The following SNUPN variants were observed in gnomAD, a reference collection of about 807,000 sequenced individuals.
The protein encoded by SNUPN is snurportin-1.
Under a neutral mutation model 39.2 loss-of-function variants are expected in SNUPN, and 31 were observed. The observed-to-expected ratio is 0.79, with a 90% CI of 0.59 to 1.07. The LOEUF (loss-of-function observed/expected upper bound fraction) is 1.07, where lower values mean the gene tolerates loss of function less well. Ranked by LOEUF, SNUPN falls within the 50% of genes least tolerant of loss-of-function variation. The probability of loss-of-function intolerance (pLI) is 0.00; values close to 1 mark genes in which losing one functional copy is unlikely to be tolerated. For synonymous variants in SNUPN, 132 were observed against 159.0 expected, an observed-to-expected ratio of 0.83 and a Z score of 1.28; for missense variants, 382 against 434.2, an observed-to-expected ratio of 0.88 and a Z score of 1.07.
At chr15:75,608,635 T>C (rs929133868) in intron 5 of SNUPN, among the ~76,000 whole-genome samples, 3 of 152,182 alleles carry the variant, frequency 2.0e-5, no homozygotes, top group Admixed American at 2.0e-4. Flanking sequence ...GGCTGTACCA[T>C]TATGCTTAGT....
intron 7 of SNUPN, 134 bp downstream of exon 7, chr15:75,605,016 A>G: frequency 1.6e-6 from 1 of 627,002 alleles, no homozygotes; most frequent in Non-Finnish European, 2.9e-6. Context: ...TCAGATCTAC[A>G]TGATTGATAC....
chr15:75,617,152 A>G (rs1892959475), intron 3 of SNUPN, among the ~76,000 whole-genome samples: 1 of 152,242 alleles, frequency 6.6e-6, no homozygotes, highest in Non-Finnish European at 1.5e-5. Flanking sequence ...AGCCTTTGGT[A>G]ACAGCACAGG....
At chr15:75,618,340 G>T (rs898674027) in intron 2 of SNUPN, among the ~76,000 whole-genome samples, 1 of 151,330 alleles carries the variant, frequency 6.6e-6, no homozygotes, top group Non-Finnish European at 1.5e-5. Flanking sequence ...TTTTTTTTAC[G>T]GACCGTAGGT....
intron 3 of SNUPN, among the ~76,000 whole-genome samples, chr15:75,613,472 G>C (rs375400424): frequency 6.7e-6 from 1 of 150,186 alleles, no homozygotes; most frequent in African/African-American, 2.4e-5. Context: ...CTGAAACCCC[G>C]TCTCTACTAA....
At chr15:75,615,347 C>T (rs1892895352) in intron 3 of SNUPN, among the ~76,000 whole-genome samples, 1 of 151,964 alleles carries the variant, frequency 6.6e-6, no homozygotes, top group African/African-American at 2.4e-5. Context: ...TTCTGCCATA[C>T]TCCTTCTCCC....
intron 6 of SNUPN, among the ~76,000 whole-genome samples, chr15:75,605,860 A>G (rs1488258952): frequency 1.3e-5 from 2 of 152,168 alleles, no homozygotes; most frequent in African/African-American, 4.8e-5. Context: ...CCATATCTAT[A>G]TGTCAAGGAC....
chr15:75,607,660 T>C (rs1416644704), intron 5 of SNUPN, among the ~76,000 whole-genome samples: 1 of 152,202 alleles, frequency 6.6e-6, no homozygotes, highest in East Asian at 1.9e-4. Flanking sequence ...TGAGTTCCTA[T>C]CATAGGCACT....
At chr15:75,625,116 C>G (rs1258405487) in intron 1 of SNUPN, 1 of 159,788 alleles carries the variant, frequency 6.3e-6, no homozygotes, top group South Asian at 1.5e-4. Flanking sequence ...ATGGTGCTGC[C>G]TCCAAGTGTT....
intron 2 of SNUPN, among the ~76,000 whole-genome samples, chr15:75,619,836 C>T (rs796991741): frequency 2.0e-5 from 3 of 152,200 alleles, no homozygotes; most frequent in African/African-American, 4.8e-5. Flanking sequence ...GCAACCTCCA[C>T]CTCCCGGGTT....
chr15:75,601,108 T>C, intron 8 of SNUPN, 30 bp downstream of exon 8: 1 of 1,472,568 alleles, frequency 6.8e-7, no homozygotes, highest in South Asian at 1.1e-5. Context: ...TATCATCATG[T>C]CAAGGCAATA....
intron 3 of SNUPN, 78 bp from the exon 4 acceptor site, chr15:75,610,072 C>CACA: frequency 1.9e-6 from 2 of 1,079,352 alleles, no homozygotes; most frequent in East Asian, 2.4e-5. Context: ...GCATTAATAT[C>CACA]CTGTGTGTAT....
chr15:75,598,393 T>C lies in SNUPN; in HGVS notation c.1048A>G (p.Ser350Gly), dbSNP rs748032892. The change falls in exon 9 of 9, where the codon AGC becomes GGC. Residue 350 changes from serine (S) to glycine (G), a missense_variant. By Grantham distance (56) the Ser-to-Gly change is moderately conservative. Transcript: ENST00000308588. ...ATGAGGCATCCAGGGTGGTCTGGGC[T>C]ATGGGAAGAACCCTTCAACTTGGGA... ...STPKLKGSSH[S>G]PDHPGCLMEN 6.2e-7 allele frequency: 1 copy of C among 1,614,232 alleles called. No individual in the cohort carries two copies. The highest frequency in any genetic ancestry group is 1.1e-5 in the South Asian group (1 of 91,092).
intron 6 of SNUPN, among the ~76,000 whole-genome samples, chr15:75,606,072 G>C (rs2075328947): frequency 1.3e-5 from 2 of 152,298 alleles, no homozygotes; most frequent in South Asian, 4.1e-4. Flanking sequence ...TTGAACCCAG[G>C]ATGCGGAGGT....
Position 75,609,901 on chromosome 15 carries a change from C to CGATAAG in SNUPN, c.391_396dup (p.Leu131_Ile132dup). 6.2e-7 allele frequency: 1 copy of CGATAAG among 1,613,740 alleles called. No individual in the cohort carries two copies. The stretch of plus-strand genomic sequence containing the variant: ...AGGCAGCTACTCACCCTGGAGGCCA[C>CGATAAG]GATAAGGGCTCTTTTTCCAACAGGG... On this transcript the variant is annotated inframe_insertion, in exon 4 of 9. Transcript: ENST00000308588.
chr15:75,600,363 C>T, intron 8 of SNUPN, among the ~76,000 whole-genome samples: 1 of 151,948 alleles, frequency 6.6e-6, no homozygotes, highest in Admixed American at 6.6e-5. Context: ...CAACCTCTGC[C>T]TCCCAAGTTC....
intron 5 of SNUPN, among the ~76,000 whole-genome samples, chr15:75,608,611 C>A (rs1357995775): frequency 1.3e-5 from 2 of 152,184 alleles, no homozygotes; most frequent in African/African-American, 2.4e-5. Flanking sequence ...GGCAGGGAAG[C>A]CCCAGCATCA....
chr15:75,613,997 T>G (rs972286982), intron 3 of SNUPN, among the ~76,000 whole-genome samples: 10 of 151,968 alleles, frequency 6.6e-5, no homozygotes, highest in African/African-American at 2.4e-4. Flanking sequence ...ATATTAATAA[T>G]GGCATTATTT....
intron 3 of SNUPN, among the ~76,000 whole-genome samples, chr15:75,611,969 C>T (rs79294163): frequency 0.022 from 3,333 of 152,136 alleles, 118 homozygotes; most frequent in African/African-American, 0.076. Flanking sequence ...CAGCCACAGT[C>T]CAGATTTCCT....
In SNUPN at chr15:75,609,980, C is replaced by G; in HGVS notation, c.318G>C (p.Glu106Asp). 1 of 1,613,954 alleles carries G rather than the reference C, an allele frequency of 6.2e-7. No individual in the cohort carries two copies. Among genetic ancestry groups the G allele is most frequent in the Non-Finnish European group, 8.5e-7 (1 of 1,179,880 alleles). Residue 106 changes from glutamate to aspartate, a missense_variant, in exon 4 of 9, where the codon GAG becomes GAC. Transcript: ENST00000308588. The stretch of plus-strand genomic sequence containing the variant: ...AATCTGAAGGAACGTCAATTAACCA[C>G]TCAGAAAGCATCAACTGGAAATGCA... ...KHYANQLMLS[E>D]WLIDVPSDLG...
Sources: allele counts gnomAD v4.1 joint callset (sites outside exome capture counted in the v4.1 genomes callset), GRCh38; gene constraint gnomAD v4.1.1; transcripts MANE v1.5; gene names NCBI Gene and HGNC (gene_info 2026-07-23, HGNC 2026-07-21).